Variants in RBFOX1 observed in about 807,000 individuals in gnomAD.
RBFOX1 encodes the protein RNA binding protein fox-1 homolog 1.
A neutral mutation model predicts 57.7 loss-of-function variants in RBFOX1; 8 were observed. The observed-to-expected ratio is 0.14, with a 90% CI of 0.08 to 0.25. The LOEUF (loss-of-function observed/expected upper bound fraction) is 0.25, where lower values mean the gene tolerates loss of function less well. Among genes scored for constraint, RBFOX1 ranks in the 10% least tolerant of loss-of-function variants. The pLI is 1.00. For synonymous variants in RBFOX1, 326 were observed against 222.4 expected (o/e 1.47, Z -4.15); for missense variants, 611 against 548.5 (o/e 1.11, Z -1.14).
intron 1 of RBFOX1, among the ~76,000 whole-genome samples, chr16:6,088,150 T>C (rs899490723): frequency 8.5e-5 from 13 of 152,202 alleles, no homozygotes; most frequent in African/African-American, 3.1e-4. Context: ...GAACCTATTC[T>C]GATTTACTCT....
chr16:5,797,322 G>C (rs964454869), intron 3 of RBFOX1, among the ~76,000 whole-genome samples: 9 of 151,988 alleles, frequency 5.9e-5, no homozygotes, highest in African/African-American at 2.2e-4. Context: ...TTTAGCCTAA[G>C]TGTGTGTCCA....
At chr16:6,733,354 A>G (rs2069168192) in intron 3 of RBFOX1, among the ~76,000 whole-genome samples, 1 of 152,126 alleles carries the variant, frequency 6.6e-6, no homozygotes, top group South Asian at 2.1e-4. Context: ...CATAATCCAG[A>G]TATGCTGAAC....
intron 4 of RBFOX1, chr16:7,304,074 C>A: frequency 2.4e-6 from 1 of 414,290 alleles, no homozygotes; most frequent in South Asian, 1.0e-4. Flanking sequence ...GTTTCCAGGT[C>A]CCCGCAAGTG....
At chr16:7,363,509 G>A (rs2097371132) in intron 4 of RBFOX1, among the ~76,000 whole-genome samples, 1 of 151,266 alleles carries the variant, frequency 6.6e-6, no homozygotes. Flanking sequence ...AAAAAAATAA[G>A]TAAAGGCCGG....
intron 3 of RBFOX1, among the ~76,000 whole-genome samples, chr16:6,728,183 C>T (rs957511852): frequency 2.6e-5 from 4 of 152,178 alleles, no homozygotes; most frequent in African/African-American, 7.2e-5. Flanking sequence ...TTACTTCAAG[C>T]AGTGTCACTT....
chr16:7,447,741 G>A lies in RBFOX1; in HGVS notation c.28-70406G>A, dbSNP rs559183366. ...TTCTTTTATTAAGCAATTAAGTATT[G>A]ATTAAAAGCCAAGTCTAGTGAGAGC... On this transcript the variant is annotated intron_variant, in intron 4 of 15. Transcript: ENST00000550418. Among the ~76,000 whole-genome samples the A allele has an allele frequency of 2.6e-5, 4 of 152,318 alleles. No homozygotes were observed. In the East Asian group the frequency reaches 5.8e-4, roughly 22 times the overall value.
At chr16:5,856,225 ATATG>A (rs1238140082) in intron 3 of RBFOX1, among the ~76,000 whole-genome samples, 7 of 53,214 alleles carry the variant, frequency 1.3e-4, no homozygotes, top group South Asian at 6.4e-4. Context: ...ATGTATATAT[ATATG>A]TATATATATG....
At position 6,209,414 on chromosome 16, in the gene RBFOX1, C is replaced by G. The variant is rs571555933; in HGVS notation, c.-126-107581C>G. Among the ~76,000 whole-genome samples the G allele has an allele frequency of 2.0e-5, 3 of 152,106 alleles. No homozygotes were observed. The South Asian group carries it at 6.2e-4, about 32-fold the overall frequency. On this transcript the variant is annotated intron_variant, in intron 1 of 15. Transcript: ENST00000550418. ...AAACAAAGAATGTACATCCAAACTT[C>G]CAAACTTCCTTGTTAATCCGTCTAT...
chr16:7,662,977 G>C (rs1019142), intron 12 of RBFOX1, among the ~76,000 whole-genome samples: 23,123 of 152,208 alleles, frequency 0.15, 2,053 homozygotes, highest in East Asian at 0.36. Flanking sequence ...GAATGGTCAT[G>C]TCACTGCTTT....
intron 4 of RBFOX1, among the ~76,000 whole-genome samples, chr16:7,317,309 T>C (rs754248042): frequency 6.6e-6 from 1 of 152,034 alleles, no homozygotes; most frequent in Admixed American, 6.5e-5. Context: ...TTTGGTGAAG[T>C]CAGGTGGCAC....
chr16:6,835,274 G>T (rs143424071), intron 3 of RBFOX1, among the ~76,000 whole-genome samples: 43 of 152,246 alleles, frequency 2.8e-4, no homozygotes, highest in Middle Eastern at 6.8e-3. Flanking sequence ...CAGCTGCTAT[G>T]CGGGTTCCCT....
chr16:7,285,075 CTTT>C (rs58959488), intron 4 of RBFOX1, among the ~76,000 whole-genome samples: 21 of 42,722 alleles, frequency 4.9e-4, no homozygotes, highest in African/African-American at 1.5e-3. Flanking sequence ...AGATTCCTTA[CTTT>C]TTTTTTTTTT....
At chr16:5,626,974 TCCTTTTAAA>T (rs1198109200) in intron 3 of RBFOX1, among the ~76,000 whole-genome samples, 1 of 152,232 alleles carries the variant, frequency 6.6e-6, no homozygotes, top group Non-Finnish European at 1.5e-5. Context: ...TAAATCAGCT[TCCTTTTAAA>T]TTATGATCTT....
chr16:6,338,688 A>G (rs535173596), intron 2 of RBFOX1, among the ~76,000 whole-genome samples: 1 of 152,326 alleles, frequency 6.6e-6, no homozygotes, highest in South Asian at 2.1e-4. Flanking sequence ...CTCTTCTAAG[A>G]CATACAATGG....
chr16:6,986,646 G>C (rs890365071), intron 3 of RBFOX1, among the ~76,000 whole-genome samples: 33 of 152,086 alleles, frequency 2.2e-4, no homozygotes, highest in African/African-American at 7.7e-4. Context: ...CTCATCCTCT[G>C]TCTCCCTCTT....
intron 2 of RBFOX1, among the ~76,000 whole-genome samples, chr16:6,565,385 G>A (rs1184433970): frequency 6.6e-6 from 1 of 152,006 alleles, no homozygotes; most frequent in Non-Finnish European, 1.5e-5. Flanking sequence ...AGCCTCCCAA[G>A]TAGCTGGAAC....
chr16:7,308,533 T>G (rs1349225779), intron 4 of RBFOX1, among the ~76,000 whole-genome samples: 3 of 152,212 alleles, frequency 2.0e-5, no homozygotes, highest in African/African-American at 7.2e-5. Context: ...GCCATGCCAC[T>G]GTCAATATTC....
intron 3 of RBFOX1, among the ~76,000 whole-genome samples, chr16:5,797,478 C>G (rs764071611): frequency 6.6e-6 from 1 of 152,152 alleles, no homozygotes; most frequent in East Asian, 1.9e-4. Context: ...ATCTGGCTTC[C>G]AGACCCTTAG....
At chr16:6,566,114 C>A (rs890320449) in intron 2 of RBFOX1, among the ~76,000 whole-genome samples, 1 of 152,202 alleles carries the variant, frequency 6.6e-6, no homozygotes, top group African/African-American at 2.4e-5. Flanking sequence ...TGTGTCATCA[C>A]TGTTCAAATT....
Sources: gnomAD v4.1 joint callset for allele counts (sites outside exome capture counted in the v4.1 genomes callset) on GRCh38, gnomAD v4.1.1 for gene constraint, MANE v1.5 for transcripts, NCBI Gene and HGNC (gene_info 2026-07-23, HGNC 2026-07-21) for gene names.